The following ABCB5 variants were observed in gnomAD, a reference collection of about 807,000 sequenced individuals.
ABCB5 encodes the protein ATP binding cassette subfamily B member 5, also known as ATP-binding cassette sub-family B member 5.
A neutral mutation model predicts 144.2 loss-of-function variants in ABCB5; 155 were observed. That is an observed-to-expected ratio of 1.08 (90% CI 0.94 to 1.23). ABCB5 has a LOEUF of 1.23. Among genes scored for constraint, ABCB5 ranks in the 50% most tolerant of loss-of-function variants. The pLI is 0.00. For synonymous variants in ABCB5, 610 were observed against 528.6 expected, an observed-to-expected ratio of 1.15 and a Z score of -2.11; for missense variants, 1,830 against 1,520.8, an observed-to-expected ratio of 1.20 and a Z score of -3.38.
intron 20 of ABCB5, among the ~76,000 whole-genome samples, chr7:20,710,321 C>T (rs1202526993): frequency 1.7e-5 from 2 of 120,548 alleles, no homozygotes; most frequent in South Asian, 2.6e-4. Flanking sequence ...GAGCTGAGAT[C>T]GTGCCATTGC....
At chr7:20,731,967 C>T (rs188464470) in intron 23 of ABCB5, among the ~76,000 whole-genome samples, 66 of 152,282 alleles carry the variant, frequency 4.3e-4, no homozygotes, top group African/African-American at 1.3e-3. Context: ...ATGCACAAAT[C>T]CAATAGCACC....
At chr7:20,710,731 C>T (rs1428971523) in intron 20 of ABCB5, among the ~76,000 whole-genome samples, 1 of 149,932 alleles carries the variant, frequency 6.7e-6, no homozygotes, top group African/African-American at 2.5e-5. Context: ...ATATAAGTCT[C>T]TTTGAATATC....
rs1021183707 is a variant in ABCB5, at chr7:20,647,554, A to G, written c.1001A>G (p.His334Arg). 30 of 1,582,336 alleles carry G rather than the reference A, an allele frequency of 1.9e-5. No individual in the cohort carries two copies. Among genetic ancestry groups the G allele is most frequent in the Non-Finnish European group, 2.4e-5 (28 of 1,163,076 alleles). The change falls in exon 10 of 28, where the codon CAT becomes CGT. Residue 334 changes from histidine (H) to arginine (R), a missense_variant. By Grantham distance (29) the His-to-Arg change is conservative. Transcript: ENST00000404938. The stretch of plus-strand genomic sequence containing the variant: ...CTGTAGGTTTTCTTTAGTGTAATCC[A>G]TAGCAGTTATTGCATTGGAGCAGCA... ...TVLAVFFSVI[H>R]SSYCIGAAVP...
At chr7:20,641,732 A>G (rs1784301263) in intron 5 of ABCB5, 1 of 152,576 alleles carries the variant, frequency 6.6e-6, no homozygotes, top group Non-Finnish European at 1.5e-5. Flanking sequence ...CATGAAAGGT[A>G]CTTAATTCAA....
At chr7:20,616,149 G>A (rs116659329) in intron 1 of ABCB5, among the ~76,000 whole-genome samples, 2,310 of 152,244 alleles carry the variant, frequency 0.015, 56 homozygotes, top group African/African-American at 0.053. Context: ...GATTTTCCTG[G>A]CTCAGCCTTC....
chr7:20,663,838 C>G (rs373695637), intron 14 of ABCB5, among the ~76,000 whole-genome samples: 2 of 151,570 alleles, frequency 1.3e-5, no homozygotes, highest in Admixed American at 1.3e-4. Context: ...GCCTCACCCT[C>G]CAGAGTAGCT....
rs374428413 is a variant in ABCB5 at position 20,651,940 on chromosome 7, T to C, written c.1536+317T>C. Among the ~76,000 whole-genome samples, 7 of 152,180 alleles carry C rather than the reference T, an allele frequency of 4.6e-5. No homozygotes were observed. In the East Asian group the frequency reaches 1.2e-3, roughly 25 times the overall value. On this transcript the variant is annotated intron_variant, in intron 13 of 27. Transcript: ENST00000404938. Reference sequence around the variant, plus strand: ...AATGTGGCCCAGGGAAGCCAAAAAATTGGACACTCCTGTATGAAACATCTG... The same window carrying C: ...AATGTGGCCCAGGGAAGCCAAAAAACTGGACACTCCTGTATGAAACATCTG...
chr7:20,659,432 TA>T, intron 14 of ABCB5: 1 of 1,134,042 alleles, frequency 8.8e-7, no homozygotes. Flanking sequence ...CTTCTTTTTT[TA>T]AAATGCTGAC....
intron 14 of ABCB5, among the ~76,000 whole-genome samples, chr7:20,678,148 CTT>C (rs1226996146): frequency 6.6e-6 from 1 of 152,062 alleles, no homozygotes; most frequent in Non-Finnish European, 1.5e-5. Context: ...ACATAGGTGT[CTT>C]TTTTATGGGA....
chr7:20,723,012 A>G lies in ABCB5; in HGVS notation c.2422-4A>G. The G allele has an allele frequency of 6.2e-7, 1 of 1,613,942 alleles. No individual in the cohort carries two copies. Among genetic ancestry groups the G allele is most frequent in the Non-Finnish European group, 8.5e-7 (1 of 1,179,830 alleles). On this transcript the variant is annotated splice_region_variant and splice_polypyrimidine_tract_variant and intron_variant, in intron 20 of 27. Transcript: ENST00000404938. ...TTTTTCCCCCAAAATATGTCTGATTATAGGCAACAGGTTCCAGGATTGGCG... is the reference window on the plus strand; with the variant it reads ...TTTTTCCCCCAAAATATGTCTGATTGTAGGCAACAGGTTCCAGGATTGGCG...
At chr7:20,690,793 A>G (rs1786194515) in intron 16 of ABCB5, among the ~76,000 whole-genome samples, 1 of 152,196 alleles carries the variant, frequency 6.6e-6, no homozygotes, top group African/African-American at 2.4e-5. Context: ...AAGGGATCCT[A>G]ACAAATGGCT....
intron 1 of ABCB5, among the ~76,000 whole-genome samples, chr7:20,619,397 G>T (rs1309494523): frequency 6.6e-6 from 1 of 152,024 alleles, no homozygotes; most frequent in Non-Finnish European, 1.5e-5. Context: ...GTGTGAAGTG[G>T]TATCTCATTG....
rs984652773 is a variant in ABCB5, at chr7:20,737,393, G to A, written c.2868-1590G>A. ...TCCGGCTCCATTCTCCATCCTTTGG[G>A]TCATTTACCTCCCACAAACACAAGC... is the stretch of plus-strand genomic sequence containing the variant. On this transcript the variant is annotated intron_variant, in intron 23 of 27. Transcript: ENST00000404938. Among the ~76,000 whole-genome samples, 8 of 151,988 alleles carry A rather than the reference G, an allele frequency of 5.3e-5. No homozygotes were observed. The South Asian group carries it at 6.2e-4, about 12-fold the overall frequency.
At chr7:20,621,118 G>C (rs543946881) in intron 1 of ABCB5, among the ~76,000 whole-genome samples, 1 of 152,188 alleles carries the variant, frequency 6.6e-6, no homozygotes, top group South Asian at 2.1e-4. Flanking sequence ...ATTATGTTAA[G>C]TGAAATAAGC....
intron 11 of ABCB5, among the ~76,000 whole-genome samples, chr7:20,649,693 T>C (rs1302327401): frequency 1.3e-5 from 2 of 152,248 alleles, no homozygotes; most frequent in African/African-American, 4.8e-5. Flanking sequence ...TCTCATTTAC[T>C]TGTTACAAAT....
At chr7:20,706,597 C>A (rs1786832367) in intron 20 of ABCB5, among the ~76,000 whole-genome samples, 2 of 152,208 alleles carry the variant, frequency 1.3e-5, no homozygotes, top group African/African-American at 2.4e-5. Context: ...AAGTGCTGGT[C>A]TCACAATAAC....
chr7:20,745,391 G>T lies in ABCB5; in HGVS notation c.3382G>T (p.Ala1128Ser), dbSNP rs749905257. The T allele has an allele frequency of 5.0e-6, 8 of 1,614,216 alleles. No homozygotes were observed. Among genetic ancestry groups the T allele is most frequent in the Non-Finnish European group, 6.8e-6 (8 of 1,180,032 alleles). Reference sequence around the variant, plus strand: ...GGTGCCATTAGATGAGATCAAAGAAGCCGCAAATGCAGCAAATATCCATTC... The same window carrying T: ...GGTGCCATTAGATGAGATCAAAGAATCCGCAAATGCAGCAAATATCCATTC... ...RVVPLDEIKEAANAANIHSFI... is the reference protein window; with the variant it reads ...RVVPLDEIKESANAANIHSFI... The change falls in exon 26 of 28, where the codon GCC (alanine) becomes TCC (serine). Residue 1128 changes from alanine (A) to serine (S), a missense_variant. Coordinates refer to ENST00000404938, the MANE Select transcript of ABCB5 (RefSeq NM_001163941.2).
chr7:20,748,650 CAAAAAAAA>C (rs71020682), intron 26 of ABCB5, among the ~76,000 whole-genome samples: 5 of 59,076 alleles, frequency 8.5e-5, no homozygotes, highest in African/African-American at 3.3e-4. Context: ...GACTCCATCT[CAAAAAAAA>C]AAAAAAAAAA....
At chr7:20,653,919 C>A (rs1108864) in intron 13 of ABCB5, among the ~76,000 whole-genome samples, 131,138 of 152,172 alleles carry the variant, frequency 0.86, 56,937 homozygotes, top group East Asian at 0.97. Context: ...CCTTTTTAAC[C>A]CCCCAGGCAA....
Sources: allele counts gnomAD v4.1 joint callset (sites outside exome capture counted in the v4.1 genomes callset), GRCh38; gene constraint gnomAD v4.1.1; transcripts MANE v1.5; gene names NCBI Gene and HGNC (gene_info 2026-07-23, HGNC 2026-07-21).